Variants in NET1 observed in about 807,000 individuals in gnomAD.
NET1 encodes neuroepithelial cell transforming 1, also known as neuroepithelial cell-transforming gene 1 protein.
Under a neutral mutation model 61.1 loss-of-function variants are expected in NET1, and 42 were observed. That is an observed-to-expected ratio of 0.69 (90% CI 0.54 to 0.89). The LOEUF is 0.89. Ranked by LOEUF, NET1 falls within the 40% of genes least tolerant of loss-of-function variation. The probability of loss-of-function intolerance (pLI) is 0.00; values close to 1 mark genes in which losing one functional copy is unlikely to be tolerated. For missense variants in NET1, 654 were observed against 747.3 expected (o/e 0.88, Z 1.46); for synonymous variants, 254 against 281.8 (o/e 0.90, Z 0.99).
In NET1 at chr10:5,456,887, A is replaced by T; in HGVS notation, c.1684A>T (p.Met562Leu). 1 of 1,614,118 alleles carries T rather than the reference A, an allele frequency of 6.2e-7. No homozygotes were observed. Among genetic ancestry groups the T allele is most frequent in the Non-Finnish European group, 8.5e-7 (1 of 1,179,994 alleles). Residue 562 changes from methionine to leucine, a missense_variant, in exon 12 of 12, where the codon ATG (methionine) becomes TTG (leucine). Coordinates refer to ENST00000355029, the MANE Select transcript of NET1 (RefSeq NM_001047160.3). The surrounding 1 kb of genome is among the most constrained non-coding windows in gnomAD (Gnocchi z 7.0). ...TTACAGATGTGGCTCTGGCATGCAG[A>T]TGGCAGAGGACAGCAAGAGCTTAAA... ...NAYRCGSGMQMAEDSKSLKTH... is the reference protein window; with the variant it reads ...NAYRCGSGMQLAEDSKSLKTH...
In NET1 at chr10:5,456,470, C is replaced by T; in HGVS notation, c.1385-118C>T. 1.8e-6 allele frequency: 2 copies of T among 1,133,140 alleles called. No homozygotes were observed. The highest frequency in any genetic ancestry group is 2.5e-6 in the Non-Finnish European group (2 of 806,296). 70.2% of individuals were successfully genotyped at this position (1,133,140 alleles called of 1,614,324 possible). A position where few individuals can be genotyped will look rare whatever the true frequency, so the allele number is the denominator to read the frequency against. ...ATAATGCATAGGCTTAATGTATTCA[C>T]ATTGACATAAATAAATTGCCATAAA... On this transcript the variant is annotated intron_variant, in intron 11 of 11. Coordinates refer to ENST00000355029, the MANE Select transcript of NET1 (RefSeq NM_001047160.3). The surrounding 1 kb of genome is among the most constrained non-coding windows in gnomAD (Gnocchi z 7.0).
chr10:5,430,551 T>G (rs1832331980), intron 3 of NET1, among the ~76,000 whole-genome samples: 3 of 151,922 alleles, frequency 2.0e-5, no homozygotes, highest in Non-Finnish European at 4.4e-5. Flanking sequence ...ATTTTTGTAT[T>G]TTTAGTAGAG....
chr10:5,435,434 T>C lies in NET1; in HGVS notation c.255+6205T>C, dbSNP rs1832411310. 6.6e-6 allele frequency among the ~76,000 whole-genome samples: 1 copy of C among 152,108 alleles called. No individual in the cohort carries two copies. The highest frequency in any genetic ancestry group is 2.4e-5 in the African/African-American group (1 of 41,392). Reference sequence around the variant, plus strand: ...TCTGTTAGTACAATTATTTGATGCCTGTTGCTAGGAGCCATTCTACTTTAT... The same window carrying C: ...TCTGTTAGTACAATTATTTGATGCCCGTTGCTAGGAGCCATTCTACTTTAT... On this transcript the variant is annotated intron_variant, in intron 3 of 11. Coordinates refer to ENST00000355029, the MANE Select transcript of NET1 (RefSeq NM_001047160.3). The surrounding 1 kb of genome is among the most constrained non-coding windows in gnomAD (Gnocchi z 5.0).
rs1398169558 is a variant in NET1, at chr10:5,457,690, T to G, written c.*696T>G. On this transcript the variant is annotated 3_prime_UTR_variant, in exon 12 of 12. Coordinates refer to ENST00000355029, the MANE Select transcript of NET1 (RefSeq NM_001047160.3). This position sits in a 1 kb window ranked among gnomAD's most constrained non-coding sequence, Gnocchi z 5.4. The stretch of plus-strand genomic sequence containing the variant: ...TGGCATGTCTTTAAAGTATTTTTCT[T>G]CCTGATTAAAAATGTGTGTGTATGT... 1 of 152,516 alleles carries G rather than the reference T, an allele frequency of 6.6e-6. No individual in the cohort carries two copies. Among genetic ancestry groups the G allele is most frequent in the African/African-American group, 2.4e-5 (1 of 41,436 alleles). 9.4% of individuals were successfully genotyped at this position (152,516 alleles called of 1,614,324 possible).
chr10:5,456,141 C>T lies in NET1; in HGVS notation c.1252C>T (p.Arg418Trp), dbSNP rs1832793408. The change falls in exon 11 of 12, where the codon CGG becomes TGG. Residue 418 changes from arginine to tryptophan, a missense_variant. By Grantham distance (101) the Arg-to-Trp change is moderately radical. Coordinates refer to ENST00000355029, the MANE Select transcript of NET1 (RefSeq NM_001047160.3). This position sits in a 1 kb window ranked among gnomAD's most constrained non-coding sequence, Gnocchi z 7.0. ...CTTGGTTCTGACTCGGCCCGTCACA[C>T]GGAACGAACGGCACTCTTACCAGGT... ...DILVLTRPVT[R>W]NERHSYQVYR... 3.1e-6 allele frequency: 5 copies of T among 1,614,136 alleles called. No homozygotes were observed. The highest frequency in any genetic ancestry group is 2.5e-6 in the Non-Finnish European group (3 of 1,180,000).
At position 5,456,434 on chromosome 10, in the gene NET1, G is replaced by A. The variant is rs1832798801; in HGVS notation, c.1385-154G>A. On this transcript the variant is annotated intron_variant, in intron 11 of 11. Coordinates refer to ENST00000355029, the MANE Select transcript of NET1 (RefSeq NM_001047160.3). The surrounding 1 kb of genome is among the most constrained non-coding windows in gnomAD (Gnocchi z 7.0). ...CTTCCCAGCTCGAACACCCGCAGGT[G>A]TATCTAAGAAATAATGCATAGGCTT... 1 of 1,015,450 alleles carries A rather than the reference G, an allele frequency of 9.8e-7. No individual in the cohort carries two copies. Among genetic ancestry groups the A allele is most frequent in the Non-Finnish European group, 1.4e-6 (1 of 710,130 alleles). The allele number at this position is 1,015,450 out of a possible 1,614,324, so 62.9% of individuals were successfully genotyped here. A position where few individuals can be genotyped will look rare whatever the true frequency, so the allele number is the denominator to read the frequency against.
rs759388340 is a variant in NET1 at position 5,452,131 on chromosome 10, A to G, written c.363+194A>G. ...TTATATTAATTTGCATCTTATATTA[A>G]TTTGCATCTTATAATGCATAGTCTT... On this transcript the variant is annotated intron_variant, in intron 4 of 11. Coordinates refer to ENST00000355029, the MANE Select transcript of NET1 (RefSeq NM_001047160.3). The surrounding 1 kb of genome is among the most constrained non-coding windows in gnomAD (Gnocchi z 4.0). Among the ~76,000 whole-genome samples the G allele has an allele frequency of 8.5e-5, 13 of 152,178 alleles. No individual in the cohort carries two copies. The highest frequency in any genetic ancestry group is 1.2e-4 in the Non-Finnish European group (8 of 68,026).
At chr10:5,419,706 TTTGTTG>T (rs71388430) in intron 1 of NET1, among the ~76,000 whole-genome samples, 64 of 151,020 alleles carry the variant, frequency 4.2e-4, no homozygotes, top group Admixed American at 3.9e-3. Context: ...TTTTCTTTGT[TTTGTTG>T]TTGTTGTTGT....
Position 5,412,610 on chromosome 10 carries a change from C to T in NET1, c.-83C>T. ...GCAGTCCGCTGACAGGCGCTTTCTG[C>T]CTGGCAGAGGCTGGCGGGCATCGTG... On this transcript the variant is annotated 5_prime_UTR_variant, in exon 1 of 12. Coordinates refer to ENST00000355029, the MANE Select transcript of NET1 (RefSeq NM_001047160.3). The surrounding 1 kb of genome is among the most constrained non-coding windows in gnomAD (Gnocchi z 6.5). 1 of 1,385,696 alleles carries T rather than the reference C, an allele frequency of 7.2e-7. No individual in the cohort carries two copies. Among genetic ancestry groups the T allele is most frequent in the Non-Finnish European group, 9.3e-7 (1 of 1,069,984 alleles). 85.8% of individuals were successfully genotyped at this position (1,385,696 alleles called of 1,614,324 possible). A position where few individuals can be genotyped will look rare whatever the true frequency, so the allele number is the denominator to read the frequency against.
In NET1 at chr10:5,449,860, A is replaced by G. The variant is rs1481301879; in HGVS notation, c.256-1970A>G. 6.6e-6 allele frequency among the ~76,000 whole-genome samples: 1 copy of G among 152,220 alleles called. No homozygotes were observed. The highest frequency in any genetic ancestry group is 1.5e-5 in the Non-Finnish European group (1 of 68,036). On this transcript the variant is annotated intron_variant, in intron 3 of 11. Coordinates refer to ENST00000355029, the MANE Select transcript of NET1 (RefSeq NM_001047160.3). This position sits in a 1 kb window ranked among gnomAD's most constrained non-coding sequence, Gnocchi z 4.4. Reference sequence around the variant, plus strand: ...AATATTATATTTTCTGGGAAGTCAAATTTGTTATGCATGAAACAAGGAAGA... The same window carrying G: ...AATATTATATTTTCTGGGAAGTCAAGTTTGTTATGCATGAAACAAGGAAGA...
rs1448940162 is a variant in NET1 at position 5,443,021 on chromosome 10, C to T, written c.256-8809C>T. Among the ~76,000 whole-genome samples, 1 of 152,322 alleles carries T rather than the reference C, an allele frequency of 6.6e-6. No homozygotes were observed. The highest frequency in any genetic ancestry group is 2.1e-4 in the South Asian group (1 of 4,830). On this transcript the variant is annotated intron_variant, in intron 3 of 11. Transcript: ENST00000355029. The surrounding 1 kb of genome is among the most constrained non-coding windows in gnomAD (Gnocchi z 4.8). ...CTCTCAACCGTTTTTATGGTTTCCT[C>T]CTCTATAAAAGTATTGGCAATTTAG...
At chr10:5,419,706 T>TTTGTTGTTG (rs71388430) in intron 1 of NET1, among the ~76,000 whole-genome samples, 1,654 of 151,004 alleles carry the variant, frequency 0.011, 8 homozygotes, top group Admixed American at 0.015. Flanking sequence ...TTTTCTTTGT[T>TTTGTTGTTG]TTGTTGTTGT....
At chr10:5,445,525 C>T (rs995913435) in intron 3 of NET1, among the ~76,000 whole-genome samples, 2 of 152,122 alleles carry the variant, frequency 1.3e-5, no homozygotes, top group Non-Finnish European at 2.9e-5. Context: ...TTATCTGATT[C>T]TATAAATCCT....
intron 3 of NET1, among the ~76,000 whole-genome samples, chr10:5,448,572 A>G (rs1366980910): frequency 1.3e-5 from 2 of 151,988 alleles, no homozygotes; most frequent in African/African-American, 4.8e-5. Flanking sequence ...TTTTCCCTCC[A>G]AGTGAACTTT....
rs772060972 is a variant in NET1, at chr10:5,414,535, G to A, written c.128+1715G>A. On this transcript the variant is annotated intron_variant, in intron 1 of 11. Coordinates refer to ENST00000355029, the MANE Select transcript of NET1 (RefSeq NM_001047160.3). ...TAGCTGATGGATTGGTAGGAAATCAGTCTGCAGTAGTCTAAATGAAAAAAT... is the reference window on the plus strand; with the variant it reads ...TAGCTGATGGATTGGTAGGAAATCAATCTGCAGTAGTCTAAATGAAAAAAT... Among the ~76,000 whole-genome samples the A allele has an allele frequency of 1.9e-4, 29 of 152,184 alleles. 1 individual carries two copies. Among genetic ancestry groups the A allele is most frequent in the Admixed American group, 1.4e-3 (22 of 15,284 alleles).
rs1049767578 is a variant in NET1 at position 5,454,027 on chromosome 10, G to A, written c.769-238G>A. Among the ~76,000 whole-genome samples, 2 of 152,192 alleles carry A rather than the reference G, an allele frequency of 1.3e-5. No homozygotes were observed. Among genetic ancestry groups the A allele is most frequent in the South Asian group, 4.1e-4 (2 of 4,828 alleles). ...GCACAGACTGCCAGTGTCTGAGGTT[G>A]GAGGGGAGTAGAAGTCATGAATCTT... On this transcript the variant is annotated intron_variant, in intron 8 of 11. Coordinates refer to ENST00000355029, the MANE Select transcript of NET1 (RefSeq NM_001047160.3). This position sits in a 1 kb window ranked among gnomAD's most constrained non-coding sequence, Gnocchi z 8.1.
Position 5,456,892 on chromosome 10 carries a change from A to G in NET1, c.1689A>G (p.Ala563=). 2.5e-6 allele frequency: 4 copies of G among 1,614,118 alleles called. No individual in the cohort carries two copies. The highest frequency in any genetic ancestry group is 3.4e-6 in the Non-Finnish European group (4 of 1,179,998). Residue 563 remains alanine, a synonymous_variant, in exon 12 of 12, where the codon GCA becomes GCG. Coordinates refer to ENST00000355029, the MANE Select transcript of NET1 (RefSeq NM_001047160.3). This position sits in a 1 kb window ranked among gnomAD's most constrained non-coding sequence, Gnocchi z 7.0. ...AYRCGSGMQM[A]EDSKSLKTHQ... The stretch of plus-strand genomic sequence containing the variant: ...GATGTGGCTCTGGCATGCAGATGGC[A>G]GAGGACAGCAAGAGCTTAAAGACAC...
rs1832718771 is a variant in NET1, at chr10:5,452,366, C to G, written c.372C>G (p.Thr124=). 3.1e-6 allele frequency: 5 copies of G among 1,606,188 alleles called. No individual in the cohort carries two copies. Among genetic ancestry groups the G allele is most frequent in the East Asian group, 4.5e-5 (2 of 44,714 alleles). ...RRFGQTIQSF[T]LRGDHRSPAS... ...ACCTTTTCTTTTTTAAGTCATTTAC[C>G]CTTCGTGGTGACCACAGATCCCCAG... Residue 124 remains threonine, a synonymous_variant, in exon 5 of 12, where the codon ACC becomes ACG. Transcript: ENST00000355029. This position sits in a 1 kb window ranked among gnomAD's most constrained non-coding sequence, Gnocchi z 4.0.
At position 5,454,205 on chromosome 10, in the gene NET1, T is replaced by C. The variant is rs1832758321; in HGVS notation, c.769-60T>C. The C allele has an allele frequency of 6.6e-7, 1 of 1,519,450 alleles. No homozygotes were observed. The highest frequency in any genetic ancestry group is 1.4e-5 in the African/African-American group (1 of 71,666). The allele number at this position is 1,519,450 out of a possible 1,614,324, so 94.1% of individuals were successfully genotyped here. ...CATTTTGTGTTTCATGTTTGCAGGC[T>C]TGTTAATGCACTCGGTCATAACAGG... On this transcript the variant is annotated intron_variant, in intron 8 of 11. Coordinates refer to ENST00000355029, the MANE Select transcript of NET1 (RefSeq NM_001047160.3). This position sits in a 1 kb window ranked among gnomAD's most constrained non-coding sequence, Gnocchi z 8.1.
Sources: gnomAD v4.1 joint callset for allele counts (sites outside exome capture counted in the v4.1 genomes callset) on GRCh38, gnomAD v4.1.1 for gene constraint, Gnocchi (gnomAD v3.1) non-coding constraint, MANE v1.5 for transcripts, NCBI Gene and HGNC (gene_info 2026-07-23, HGNC 2026-07-21) for gene names.